Variants in IGSF21 observed in about 807,000 individuals in gnomAD.
IGSF21 encodes the protein immunoglobulin superfamily member 21.
A neutral mutation model predicts 46.8 loss-of-function variants in IGSF21; 28 were observed. The observed-to-expected ratio is 0.60, with a 90% CI of 0.44 to 0.82. IGSF21 has a LOEUF of 0.82. Ranked by LOEUF, IGSF21 falls within the 40% of genes least tolerant of loss-of-function variation. The probability of loss-of-function intolerance (pLI) is 0.00; values close to 1 mark genes in which losing one functional copy is unlikely to be tolerated. For synonymous variants in IGSF21, 284 were observed against 273.6 expected (o/e 1.04, Z -0.38); for missense variants, 624 against 665.5 (o/e 0.94, Z 0.69).
intron 4 of IGSF21, among the ~76,000 whole-genome samples, chr1:18,355,657 G>A (rs1228203083): frequency 2.0e-5 from 3 of 152,030 alleles, no homozygotes; most frequent in Non-Finnish European, 4.4e-5. Context: ...GGGGGTAGGG[G>A]CAGAGATCAG....
At chr1:18,173,873 C>A (rs1470374985) in intron 1 of IGSF21, among the ~76,000 whole-genome samples, 1 of 152,180 alleles carries the variant, frequency 6.6e-6, no homozygotes, top group Non-Finnish European at 1.5e-5. Flanking sequence ...CCTGCCTCAG[C>A]CACCTGAGTA....
In IGSF21 at chr1:18,107,955, G is replaced by A. The variant is rs2086106359; in HGVS notation, c.-174G>A. 5.0e-6 allele frequency: 1 copy of A among 199,130 alleles called. No individual in the cohort carries two copies. The highest frequency in any genetic ancestry group is 1.0e-5 in the Non-Finnish European group (1 of 100,478). The allele number at this position is 199,130 out of a possible 1,614,324, so 12.3% of individuals were successfully genotyped here. ...GAGCCGGAGCCGAGTCGAGCCGGGC[G>A]CCCGGGCTGCCTGGCCGCGGCGGCA... On this transcript the variant is annotated 5_prime_UTR_variant, in exon 1 of 10. Coordinates refer to ENST00000251296, the MANE Select transcript of IGSF21 (RefSeq NM_032880.5).
At chr1:18,153,365 G>A (rs1557560052) in intron 1 of IGSF21, among the ~76,000 whole-genome samples, 1 of 152,194 alleles carries the variant, frequency 6.6e-6, no homozygotes, top group Non-Finnish European at 1.5e-5. Context: ...TCTTCACTCC[G>A]CAGAGGAGGC....
intron 3 of IGSF21, among the ~76,000 whole-genome samples, chr1:18,302,646 C>G (rs1436970803): frequency 1.3e-5 from 2 of 152,168 alleles, no homozygotes; most frequent in Non-Finnish European, 2.9e-5. Context: ...TCTCCCCATG[C>G]ATTCTTGCAT....
chr1:18,275,326 C>T (rs564094970), intron 2 of IGSF21, among the ~76,000 whole-genome samples: 3 of 152,122 alleles, frequency 2.0e-5, no homozygotes, highest in Non-Finnish European at 4.4e-5. Context: ...CCAAGCCAAA[C>T]CTCCAGAAAG....
intron 1 of IGSF21, among the ~76,000 whole-genome samples, chr1:18,174,319 G>A (rs535254297): frequency 1.3e-5 from 2 of 152,186 alleles, no homozygotes; most frequent in Non-Finnish European, 2.9e-5. Context: ...CGAGCAGCCC[G>A]TGTCTAAGCG....
intron 1 of IGSF21, among the ~76,000 whole-genome samples, chr1:18,177,395 G>A (rs1031571): frequency 0.03 from 2,515 of 84,344 alleles, 43 homozygotes; most frequent in East Asian, 0.11. Flanking sequence ...TCAGTGAGGT[G>A]TGTGTGTGTG....
rs150798797 is a variant in IGSF21, at chr1:18,289,067, G to A, written c.184-2799G>A. 2.6e-4 allele frequency among the ~76,000 whole-genome samples: 39 copies of A among 152,238 alleles called. 1 individual carries two copies. The East Asian group carries it at 7.1e-3, about 28-fold the overall frequency. On this transcript the variant is annotated intron_variant, in intron 2 of 9. Coordinates refer to ENST00000251296, the MANE Select transcript of IGSF21 (RefSeq NM_032880.5). Reference sequence around the variant, plus strand: ...GTATGTGTGTGGATGTGTGGGGTGTGGGTGTATTTTCCTCGTAATAAAACC... The same window carrying A: ...GTATGTGTGTGGATGTGTGGGGTGTAGGTGTATTTTCCTCGTAATAAAACC...
At chr1:18,154,189 G>A (rs970955784) in intron 1 of IGSF21, among the ~76,000 whole-genome samples, 3 of 152,058 alleles carry the variant, frequency 2.0e-5, no homozygotes, top group Non-Finnish European at 4.4e-5. Flanking sequence ...GGGCTGATGC[G>A]CTCATTTGCT....
intron 1 of IGSF21, among the ~76,000 whole-genome samples, chr1:18,126,688 TG>T (rs1262018472): frequency 6.6e-6 from 1 of 152,150 alleles, no homozygotes; most frequent in Non-Finnish European, 1.5e-5. Context: ...CCCACCCTCA[TG>T]GGAGCCCTGA....
chr1:18,116,458 G>A (rs1192353628), intron 1 of IGSF21, among the ~76,000 whole-genome samples: 5 of 152,262 alleles, frequency 3.3e-5, no homozygotes, highest in African/African-American at 1.2e-4. Context: ...AATGGAGGGT[G>A]AGTGAGATAC....
intron 2 of IGSF21, among the ~76,000 whole-genome samples, chr1:18,253,970 G>T (rs188573412): frequency 1.3e-5 from 2 of 152,340 alleles, no homozygotes; most frequent in East Asian, 3.9e-4. Context: ...GTGAGGCTGA[G>T]GGGCTAATCC....
chr1:18,305,754 A>ATGGCCTC (rs2085419750), intron 3 of IGSF21, among the ~76,000 whole-genome samples: 1 of 152,250 alleles, frequency 6.6e-6, no homozygotes, highest in Non-Finnish European at 1.5e-5. Context: ...TTTGTACAAA[A>ATGGCCTC]TATGTACCAT....
chr1:18,366,855 C>T (rs1273296362), intron 6 of IGSF21, among the ~76,000 whole-genome samples: 1 of 152,190 alleles, frequency 6.6e-6, no homozygotes, highest in Non-Finnish European at 1.5e-5. Flanking sequence ...TCACTCTCTT[C>T]CCCTTATACT....
chr1:18,354,854 GC>G (rs1285653529), intron 4 of IGSF21, among the ~76,000 whole-genome samples: 1 of 77,832 alleles, frequency 1.3e-5, no homozygotes, highest in African/African-American at 6.2e-5. Flanking sequence ...TTTCCTGTTT[GC>G]TCAGCACTTT....
intron 1 of IGSF21, among the ~76,000 whole-genome samples, chr1:18,116,311 T>A (rs1446012944): frequency 6.6e-6 from 1 of 152,282 alleles, no homozygotes; most frequent in South Asian, 2.1e-4. Context: ...TCCCTCCCTG[T>A]CTCTGTGGGG....
intron 2 of IGSF21, among the ~76,000 whole-genome samples, chr1:18,238,246 C>T (rs1012809416): frequency 2.0e-5 from 3 of 152,168 alleles, no homozygotes; most frequent in African/African-American, 7.2e-5. Context: ...CCTGTAGCTG[C>T]GAGGTTGTGC....
chr1:18,263,365 G>C (rs1196602303), intron 2 of IGSF21, among the ~76,000 whole-genome samples: 2 of 151,702 alleles, frequency 1.3e-5, no homozygotes, highest in Non-Finnish European at 2.9e-5. Context: ...AAGAGTGTGG[G>C]GGTCCTCCAG....
intron 1 of IGSF21, among the ~76,000 whole-genome samples, chr1:18,198,475 C>T (rs1453707296): frequency 2.0e-5 from 3 of 152,182 alleles, no homozygotes; most frequent in Admixed American, 6.5e-5. Context: ...AAGGGATCGT[C>T]GTCATTCATC....
Sources: gnomAD v4.1 joint callset for allele counts (sites outside exome capture counted in the v4.1 genomes callset) on GRCh38, gnomAD v4.1.1 for gene constraint, MANE v1.5 for transcripts, NCBI Gene and HGNC (gene_info 2026-07-23, HGNC 2026-07-21) for gene names.